BRCA1: variants seen among roughly 807,000 people sequenced by gnomAD.
BRCA1 encodes the protein BRCA1 DNA repair associated.
BRCA1 carries 140 observed loss-of-function variants against 173.7 expected under a neutral mutation model. The observed-to-expected ratio is 0.81, with a 90% CI of 0.70 to 0.93. BRCA1 has a LOEUF of 0.93. BRCA1 is among the 40% of genes least tolerant of loss of function. The probability of loss-of-function intolerance (pLI) is 0.00; values close to 1 mark genes in which losing one functional copy is unlikely to be tolerated. For synonymous variants in BRCA1, 662 were observed against 756.0 expected, an observed-to-expected ratio of 0.88 and a Z score of 2.04; for missense variants, 1,983 against 2,172.5, an observed-to-expected ratio of 0.91 and a Z score of 1.73.
intron 12 of BRCA1, 123 bp downstream of exon 12, chr17:43,082,281 A>G (rs2053032368): frequency 1.8e-6 from 2 of 1,104,434 alleles, no homozygotes; most frequent in African/African-American, 3.1e-5. Flanking sequence ...AAGGCTCCAT[A>G]ATTACCCATG....
rs1160165083 is a variant in BRCA1 at position 43,094,387 on chromosome 17, C to G, written c.1144G>C (p.Val382Leu). ...TCACTTCTGGAAAACCACTCATTAA[C>G]TTTCTGAATGCTGCTATTTAGTGTT... ...WITLNSSIQK[V>L]NEWFSRSDEL... The change falls in exon 10 of 23, where the codon GTT (valine) becomes CTT (leucine). Residue 382 changes from valine to leucine, a missense_variant. Coordinates refer to ENST00000357654, the MANE Select transcript of BRCA1 (RefSeq NM_007294.4). The G allele has an allele frequency of 1.2e-6, 2 of 1,614,212 alleles. No homozygotes were observed. Among genetic ancestry groups the G allele is most frequent in the South Asian group, 1.1e-5 (1 of 91,084 alleles).
chr17:43,084,394 G>A (rs8176179), intron 11 of BRCA1, among the ~76,000 whole-genome samples: 5 of 151,560 alleles, frequency 3.3e-5, no homozygotes, highest in African/African-American at 7.3e-5. Flanking sequence ...TTGAACTCCT[G>A]ACCTCAGGTG....
In BRCA1 at chr17:43,087,389, G is replaced by A. The variant is rs2053268021; in HGVS notation, c.4185+3555C>T. On this transcript the variant is annotated intron_variant, in intron 11 of 22. Transcript: ENST00000357654. ...AGAATTTTAACGACCCAGGCTGAGT[G>A]CGGTGGCTCACGCCTGTAACCCCAG... 1.3e-5 allele frequency among the ~76,000 whole-genome samples: 2 copies of A among 152,298 alleles called. 1 individual carries two copies. Among genetic ancestry groups the A allele is most frequent in the Middle Eastern group, 6.8e-3 (2 of 294 alleles).
At chr17:43,142,480 G>A (rs2056082290) in intron 1 of BRCA1, 1 of 152,236 alleles carries the variant, frequency 6.6e-6, no homozygotes, top group Non-Finnish European at 1.5e-5. Flanking sequence ...TGGTTACAAG[G>A]CTTTGAGCCT....
At position 43,145,357 on chromosome 17, in the gene BRCA1, C is replaced by G. The variant is rs1422750820; in HGVS notation, c.-19-21242G>C. 9.6e-6 allele frequency: 4 copies of G among 414,906 alleles called. No homozygotes were observed. In the East Asian group the frequency reaches 1.7e-4, roughly 18 times the overall value. 25.7% of individuals were successfully genotyped at this position (414,906 alleles called of 1,614,324 possible). On this transcript the variant is annotated intron_variant, in intron 1 of 7. Transcript: ENST00000634433. Reference sequence around the variant, plus strand: ...TTTTTTTTTTTTTGAGACAGAGTCTCGCTCTGTCGCCCAGGCTGCAGTGCA... The same window carrying G: ...TTTTTTTTTTTTTGAGACAGAGTCTGGCTCTGTCGCCCAGGCTGCAGTGCA...
At chr17:43,098,232 T>C (rs1253521209) in intron 7 of BRCA1, among the ~76,000 whole-genome samples, 1 of 152,120 alleles carries the variant, frequency 6.6e-6, no homozygotes, top group Non-Finnish European at 1.5e-5. Flanking sequence ...GGTCTTGCTA[T>C]GTTGCCCAGG....
intron 18 of BRCA1, among the ~76,000 whole-genome samples, chr17:43,059,469 C>A (rs907553976): frequency 3.4e-5 from 5 of 147,440 alleles, no homozygotes; most frequent in Non-Finnish European, 6.0e-5. Flanking sequence ...GAGATGCTGT[C>A]ACAACAACAA....
intron 11 of BRCA1, among the ~76,000 whole-genome samples, chr17:43,090,401 T>C (rs1020400621): frequency 2.0e-5 from 3 of 152,096 alleles, no homozygotes; most frequent in Non-Finnish European, 2.9e-5. Flanking sequence ...TGAGATGGAG[T>C]CTCACTTTGT....
At position 43,158,736 on chromosome 17, in the gene BRCA1, T is replaced by C. The variant is rs553309371; in HGVS notation, c.-20+11390A>G. Among the ~76,000 whole-genome samples, 54 of 152,214 alleles carry C rather than the reference T, an allele frequency of 3.5e-4. 1 individual carries two copies. Among genetic ancestry groups the C allele is most frequent in the Non-Finnish European group, 6.3e-4 (43 of 68,038 alleles). ...CTGTTTTAACTACTGAATATACAGATGTACATAAACGAAACAAAAATCTCT... is the reference window on the plus strand; with the variant it reads ...CTGTTTTAACTACTGAATATACAGACGTACATAAACGAAACAAAAATCTCT... On this transcript the variant is annotated intron_variant, in intron 1 of 7. Transcript: ENST00000634433.
chr17:43,106,152 C>A lies in BRCA1; in HGVS notation c.212+304G>T, dbSNP rs1041835053. On this transcript the variant is annotated intron_variant, in intron 4 of 22. Transcript: ENST00000357654. ...AAAAAAAAAGAAAAGGAAACACAATCAAAAATATAAAAACAAGATTAACAG... is the reference window on the plus strand; with the variant it reads ...AAAAAAAAAGAAAAGGAAACACAATAAAAAATATAAAAACAAGATTAACAG... 6.8e-4 allele frequency among the ~76,000 whole-genome samples: 102 copies of A among 150,448 alleles called. No homozygotes were observed. The Middle Eastern group carries it at 0.014, about 20-fold the overall frequency.
intron 1 of BRCA1, among the ~76,000 whole-genome samples, chr17:43,133,428 G>A (rs760514920): frequency 5.3e-5 from 8 of 152,070 alleles, no homozygotes; most frequent in Non-Finnish European, 1.2e-4. Context: ...TTTTGGACCC[G>A]TCCCCAGGGC....
chr17:43,129,412 T>G (rs191208132), upstream of BRCA1, among the ~76,000 whole-genome samples: 31 of 152,276 alleles, frequency 2.0e-4, no homozygotes, highest in African/African-American at 7.5e-4. Context: ...TCCAATTGTG[T>G]AATTTGAGAA....
chr17:43,047,578 A>T (rs752050539), intron 22 of BRCA1, 65 bp downstream of exon 22: 2 of 1,497,822 alleles, frequency 1.3e-6, no homozygotes, highest in Non-Finnish European at 1.9e-6. Flanking sequence ...GCACCAGGTA[A>T]TGAGTGATAA....
In BRCA1 at chr17:43,094,457, C is replaced by A. The variant is rs2154477691; in HGVS notation, c.1074G>T (p.Leu358=). 1 of 1,614,050 alleles carries A rather than the reference C, an allele frequency of 6.2e-7. No individual in the cohort carries two copies. The highest frequency in any genetic ancestry group is 8.5e-7 in the Non-Finnish European group (1 of 1,180,036). The change falls in exon 10 of 23, where the codon CTG becomes CTT. Residue 358 remains leucine, a synonymous_variant. Transcript: ENST00000357654. The stretch of plus-strand genomic sequence containing the variant: ...TATCTCTAGGATTCTCTGAGCATGG[C>A]AGTTTCTGCTTATTCCATTCTTTTC... ...CERKEWNKQK[L]PCSENPRDTE...
intron 2 of BRCA1, among the ~76,000 whole-genome samples, chr17:43,117,215 G>C (rs145983188): frequency 9.4e-4 from 143 of 152,252 alleles, no homozygotes; most frequent in African/African-American, 3.2e-3. Context: ...GCTGAGGTGG[G>C]TGGATCACCT....
At chr17:43,069,803 A>C (rs2052305269) in intron 15 of BRCA1, among the ~76,000 whole-genome samples, 1 of 152,210 alleles carries the variant, frequency 6.6e-6, no homozygotes, top group African/African-American at 2.4e-5. Context: ...CCTAGGAAGG[A>C]TATATTAATA....
chr17:43,119,276 G>A (rs910301522), intron 2 of BRCA1: 42 of 188,690 alleles, frequency 2.2e-4, no homozygotes, highest in Non-Finnish European at 2.3e-4. Flanking sequence ...CTCAAAAAAA[G>A]AAAAAAAAAA....
chr17:43,079,704 G>C, intron 12 of BRCA1: 1 of 1,313,782 alleles, frequency 7.6e-7, no homozygotes, highest in East Asian at 2.3e-5. Flanking sequence ...GCTCCACCCA[G>C]AGAAGCACAC....
rs1345975250 is a variant in BRCA1 at position 43,100,638 on chromosome 17, A to G, written c.442-758T>C. Among the ~76,000 whole-genome samples, 42 of 63,974 alleles carry G rather than the reference A, an allele frequency of 6.6e-4. No individual in the cohort carries two copies. The South Asian group carries it at 0.011, about 17-fold the overall frequency. 42.0% of individuals were successfully genotyped at this position (63,974 alleles called of 152,430 possible). A position where few individuals can be genotyped will look rare whatever the true frequency, so the allele number is the denominator to read the frequency against. ...TATATAACATATATATATGTTATAT[A>G]TATATAACATATATATAACATATAT... On this transcript the variant is annotated intron_variant, in intron 6 of 22. Coordinates refer to ENST00000357654, the MANE Select transcript of BRCA1 (RefSeq NM_007294.4).
Sources: gnomAD v4.1 joint callset for allele counts (sites outside exome capture counted in the v4.1 genomes callset) on GRCh38, gnomAD v4.1.1 for gene constraint, MANE v1.5 for transcripts, NCBI Gene and HGNC (gene_info 2026-07-23, HGNC 2026-07-21) for gene names.